Variants in VPS29 observed in about 807,000 individuals in gnomAD.
VPS29 encodes vacuolar protein sorting-associated protein 29.
Under a neutral mutation model 20.0 loss-of-function variants are expected in VPS29, and 2 were observed. That is an observed-to-expected ratio of 0.10 (90% CI 0.04 to 0.31). The LOEUF (loss-of-function observed/expected upper bound fraction) is 0.31. Ranked by LOEUF, VPS29 falls within the 10% of genes least tolerant of loss-of-function variation. The probability of loss-of-function intolerance (pLI) is 1.00; values close to 1 mark genes in which losing one functional copy is unlikely to be tolerated. For missense variants in VPS29, 120 were observed against 215.3 expected (o/e 0.56, Z 2.77); for synonymous variants, 81 against 79.3 (o/e 1.02, Z -0.12).
rs1392181541 is a variant in VPS29, at chr12:110,502,097, T to C, written c.-46A>G. On this transcript the variant is annotated 5_prime_UTR_variant, in exon 1 of 4. Transcript: ENST00000549578. ...AGTCACCACCACCGTCGCCGCCCTC[T>C]TCCTCAGGCTCCTCGGCGACCCGCC... 5.0e-6 allele frequency: 8 copies of C among 1,595,478 alleles called. No homozygotes were observed. The highest frequency in any genetic ancestry group is 1.7e-5 in the Admixed American group (1 of 59,942).
At chr12:110,501,624 C>A in intron 1 of VPS29, 2 of 1,534,094 alleles carry the variant, frequency 1.3e-6, no homozygotes, top group African/African-American at 1.4e-5. Flanking sequence ...ATTCGAGAGG[C>A]CAGCTTCCAC....
At chr12:110,497,116 CAT>C (rs1226454261) in intron 1 of VPS29, 1 of 149,890 alleles carries the variant, frequency 6.7e-6, no homozygotes, top group Non-Finnish European at 1.5e-5. Context: ...AGAGCTGCAA[CAT>C]AGTCTCAGAT....
intron 3 of VPS29, 84 bp downstream of exon 3, chr12:110,492,912 G>T (rs2062841025): frequency 1.6e-6 from 2 of 1,270,012 alleles, no homozygotes; most frequent in East Asian, 2.5e-5. Flanking sequence ...GAGCCACTGT[G>T]CCCAGCCACA....
rs746533694 is a variant in VPS29, at chr12:110,496,041, C to T, written c.166G>A (p.Val56Ile). 6.3e-7 allele frequency: 1 copy of T among 1,598,024 alleles called. No individual in the cohort carries two copies. The highest frequency in any genetic ancestry group is 1.1e-5 in the South Asian group (1 of 89,728). ...TCGAAGTCTCCTCTCACAATATGAA[C>T]ATCACCAGCCAGAGTCTTGAGATAG... ...YDYLKTLAGD[V>I]HIVRGDFDEN... The change falls in exon 2 of 4, where the codon GTT (valine) becomes ATT (isoleucine). Residue 56 changes from valine to isoleucine, a missense_variant. Transcript: ENST00000549578.
chr12:110,497,682 G>C (rs935132528), intron 1 of VPS29, among the ~76,000 whole-genome samples: 6 of 151,792 alleles, frequency 4.0e-5, no homozygotes, highest in Non-Finnish European at 8.8e-5. Flanking sequence ...CTTGAGGTCA[G>C]GAGTTCGAGA....
intron 3 of VPS29, 131 bp from the exon 4 acceptor site, chr12:110,492,253 C>T: frequency 1.4e-6 from 1 of 724,258 alleles, no homozygotes; most frequent in South Asian, 1.8e-5. Context: ...CAAAAGATTG[C>T]CAAAATGGCT....
intron 2 of VPS29, among the ~76,000 whole-genome samples, 161 bp downstream of exon 2, chr12:110,495,851 G>T (rs1235124255): frequency 6.6e-6 from 1 of 151,296 alleles, no homozygotes; most frequent in African/African-American, 2.4e-5. Context: ...TTTTCAAATA[G>T]TAAGGGAGGG....
At position 110,496,055 on chromosome 12, in the gene VPS29, G is replaced by A. The variant is rs983482528; in HGVS notation, c.152C>T (p.Thr51Ile). ...CACAATATGAACATCACCAGCCAGA[G>A]TCTTGAGATAGTCATAACTCTCTTT... ...CTKESYDYLK[T>I]LAGDVHIVRG... The change falls in exon 2 of 4, where the codon ACT becomes ATT. Residue 51 changes from threonine to isoleucine, a missense_variant. Coordinates refer to ENST00000549578, the MANE Select transcript of VPS29 (RefSeq NM_016226.5). 6.2e-7 allele frequency: 1 copy of A among 1,609,704 alleles called. No individual in the cohort carries two copies. The highest frequency in any genetic ancestry group is 8.5e-7 in the Non-Finnish European group (1 of 1,176,330).
Position 110,493,175 on chromosome 12 carries a change from C to G in VPS29, c.252G>C (p.Leu84=). 1 of 1,609,312 alleles carries G rather than the reference C, an allele frequency of 6.2e-7. No individual in the cohort carries two copies. Among genetic ancestry groups the G allele is most frequent in the Non-Finnish European group, 8.5e-7 (1 of 1,177,702 alleles). ...VVTVGQFKIG[L]IHGHQVIPWG... ...ATGGAATAACTTGATGTCCATGGAT[C>G]AGACCAATTTTGAACTGTCCAACAG... The change falls in exon 3 of 4, where the codon CTG becomes CTC. Residue 84 remains leucine (L), a synonymous_variant. Coordinates refer to ENST00000549578, the MANE Select transcript of VPS29 (RefSeq NM_016226.5).
intron 1 of VPS29, among the ~76,000 whole-genome samples, chr12:110,497,825 G>A (rs1272468598): frequency 6.6e-6 from 1 of 151,882 alleles, no homozygotes; most frequent in Non-Finnish European, 1.5e-5. Context: ...TTGAACTCAG[G>A]AGGCGGAGGT....
chr12:110,501,043 T>A (rs1011135548), intron 1 of VPS29, among the ~76,000 whole-genome samples: 3 of 151,932 alleles, frequency 2.0e-5, no homozygotes, highest in Non-Finnish European at 2.9e-5. Context: ...TAGACGGGCT[T>A]GGTGGCGGGC....
chr12:110,500,095 C>T (rs2135598314), intron 1 of VPS29, among the ~76,000 whole-genome samples: 1 of 152,266 alleles, frequency 6.6e-6, no homozygotes. Context: ...TGCAACACAG[C>T]ACCATGAATA....
rs189934521 is a variant in VPS29 at position 110,491,594 on chromosome 12, T to G, written c.*411A>C. On this transcript the variant is annotated 3_prime_UTR_variant, in exon 4 of 4. Transcript: ENST00000549578. ...ACTTGGTTCCTCATTTTTATGTTTT[T>G]TTTTAAATTAAATACAGGTTATCAA... The G allele has an allele frequency of 6.4e-6, 1 of 156,638 alleles. No homozygotes were observed. Among genetic ancestry groups the G allele is most frequent in the Admixed American group, 6.5e-5 (1 of 15,478 alleles). 9.7% of individuals were successfully genotyped at this position (156,638 alleles called of 1,614,324 possible).
At chr12:110,492,828 T>C (rs2062839443) in intron 3 of VPS29, 168 bp downstream of exon 3, 2 of 600,716 alleles carry the variant, frequency 3.3e-6, no homozygotes, top group South Asian at 4.4e-5. Context: ...CTCACCATAT[T>C]GTCTAGGCTG....
intron 1 of VPS29, among the ~76,000 whole-genome samples, chr12:110,500,310 C>T (rs994190843): frequency 2.6e-5 from 4 of 152,040 alleles, no homozygotes; most frequent in African/African-American, 9.7e-5. Flanking sequence ...TAAATTTTTC[C>T]CAGTTCTATT....
chr12:110,499,440 A>T (rs906940035), intron 1 of VPS29: 26 of 1,548,766 alleles, frequency 1.7e-5, no homozygotes, highest in Non-Finnish European at 2.3e-5. Context: ...GAATTCGGTT[A>T]CTTCCTTTCA....
chr12:110,493,061 A>C lies in VPS29; in HGVS notation c.366T>G (p.Phe122Leu). 6.2e-7 allele frequency: 1 copy of C among 1,614,110 alleles called. No homozygotes were observed. The highest frequency in any genetic ancestry group is 8.5e-7 in the Non-Finnish European group (1 of 1,180,000). Residue 122 changes from phenylalanine to leucine, a missense_variant, in exon 3 of 4, where the codon TTT becomes TTG. Coordinates refer to ENST00000549578, the MANE Select transcript of VPS29 (RefSeq NM_016226.5). ...TAATGTAGAATTTATTTTCATGCTC[A>C]AATGCTTCAAATTTGTGTGTGTGTC... Reference protein sequence around the residue: ...ISGHTHKFEAFEHENKFYINP... With the variant: ...ISGHTHKFEALEHENKFYINP...
At position 110,491,617 on chromosome 12, in the gene VPS29, C is replaced by CA. The variant is rs2062818613; in HGVS notation, c.*387dup. 6.3e-6 allele frequency: 1 copy of CA among 158,160 alleles called. No individual in the cohort carries two copies. The highest frequency in any genetic ancestry group is 6.5e-5 in the Admixed American group (1 of 15,476). The allele number at this position is 158,160 out of a possible 1,614,324, so 9.8% of individuals were successfully genotyped here. ...TTTTTTTAAATTAAATACAGGTTAT[C>CA]AAAGTATAAATGAAAGGTAATTGTT... On this transcript the variant is annotated 3_prime_UTR_variant, in exon 4 of 4. Coordinates refer to ENST00000549578, the MANE Select transcript of VPS29 (RefSeq NM_016226.5).
chr12:110,495,368 T>C (rs1480892582), intron 2 of VPS29, among the ~76,000 whole-genome samples: 1 of 152,152 alleles, frequency 6.6e-6, no homozygotes, highest in Non-Finnish European at 1.5e-5. Context: ...TACAGTGGCT[T>C]GGAATAAAGT....
Sources: gnomAD v4.1 joint callset for allele counts (sites outside exome capture counted in the v4.1 genomes callset) on GRCh38, gnomAD v4.1.1 for gene constraint, MANE v1.5 for transcripts, NCBI Gene and HGNC (gene_info 2026-07-23, HGNC 2026-07-21) for gene names.